Variants in BPTF observed in about 807,000 individuals in gnomAD.
BPTF encodes the protein nucleosome-remodeling factor subunit BPTF.
BPTF carries 18 observed loss-of-function variants against 292.5 expected under a neutral mutation model. The ratio of observed to expected loss-of-function variants is 0.06; its 90% CI spans 0.04 to 0.09. The LOEUF is 0.09. BPTF is among the 10% of genes least tolerant of loss of function. BPTF has a pLI of 1.00. For synonymous variants in BPTF, 1,225 were observed against 1,251.9 expected (o/e 0.98, Z 0.45); for missense variants, 2,726 against 3,498.7 (o/e 0.78, Z 5.57).
chr17:67,956,839 A>G (rs1274278744), intron 23 of BPTF: 11 of 151,848 alleles, frequency 7.2e-5, no homozygotes, highest in Non-Finnish European at 1.2e-4. Context: ...TGGCGGGCGC[A>G]TGTAGCCCCA....
intron 12 of BPTF, among the ~76,000 whole-genome samples, chr17:67,919,204 AATAATAATAATAAT>A (rs1188541390): frequency 5.5e-5 from 8 of 145,810 alleles, no homozygotes; most frequent in African/African-American, 2.1e-4. Context: ...TAATAATAAT[AATAATAATAATAAT>A]AAAATATAAT....
Position 67,959,666 on chromosome 17 carries a change from A to ACCCCCCCCCCCCCCCCC in BPTF, c.8054_8055insCCCCCCCCCCCCCCCCC (p.Ser2686ProfsTer49). On this transcript the variant is annotated frameshift_variant, in exon 24 of 28. Transcript: ENST00000306378. LOFTEE classifies it high-confidence loss of function. Reference sequence around the variant, plus strand: ...CTCCTCCAGCCCCTCCAGCCCCTCCACCTTCACCTCCCCCTCCACCTGCTG... The same window carrying ACCCCCCCCCCCCCCCCC: ...CTCCTCCAGCCCCTCCAGCCCCTCCACCCCCCCCCCCCCCCCCCCTTCACCTCCCCCTCCACCTGCTG... 6.5e-7 allele frequency: 1 copy of ACCCCCCCCCCCCCCCCC among 1,534,458 alleles called. No individual in the cohort carries two copies. The highest frequency in any genetic ancestry group is 8.8e-7 in the Non-Finnish European group (1 of 1,140,846).
intron 23 of BPTF, among the ~76,000 whole-genome samples, chr17:67,949,978 A>G (rs1028477080): frequency 2.9e-5 from 4 of 138,150 alleles, no homozygotes; most frequent in African/African-American, 1.1e-4. Flanking sequence ...TGCTTGAACT[A>G]GGAAGGTGGA....
intron 3 of BPTF, among the ~76,000 whole-genome samples, chr17:67,871,124 G>A (rs941804722): frequency 6.6e-5 from 10 of 152,080 alleles, no homozygotes; most frequent in Admixed American, 5.2e-4. Context: ...ACACACACAC[G>A]TGTCTACTTT....
chr17:67,903,680 G>A, intron 7 of BPTF, 109 bp from the exon 8 acceptor site: 1 of 997,250 alleles, frequency 1.0e-6, no homozygotes, highest in Non-Finnish European at 1.4e-6. Flanking sequence ...TGTCTGGTTT[G>A]TAGGATTATA....
chr17:67,929,843 C>G (rs891889892), intron 17 of BPTF, among the ~76,000 whole-genome samples: 2 of 152,168 alleles, frequency 1.3e-5, no homozygotes, highest in Non-Finnish European at 2.9e-5. Context: ...GGGCCAGGTG[C>G]GGCGGCTCAC....
At chr17:67,872,112 C>T (rs1297127946) in intron 3 of BPTF, among the ~76,000 whole-genome samples, 1 of 152,210 alleles carries the variant, frequency 6.6e-6, no homozygotes, top group East Asian at 1.9e-4. Context: ...AGGCGTGAGC[C>T]ACTGCGCCCA....
chr17:67,929,595 T>C, intron 17 of BPTF, 108 bp downstream of exon 17: 1 of 1,311,358 alleles, frequency 7.6e-7, no homozygotes, highest in East Asian at 2.5e-5. Flanking sequence ...TGCCTATTAC[T>C]GAATCTGTGA....
intron 3 of BPTF, among the ~76,000 whole-genome samples, chr17:67,870,487 A>G (rs2059655958): frequency 6.6e-6 from 1 of 152,114 alleles, no homozygotes; most frequent in African/African-American, 2.4e-5. Flanking sequence ...AGAATTCCCG[A>G]TTAAAACACC....
chr17:67,870,246 T>A (rs2059639318), intron 3 of BPTF, among the ~76,000 whole-genome samples: 1 of 151,732 alleles, frequency 6.6e-6, no homozygotes. Flanking sequence ...ACATAAATAT[T>A]TTTTTCTTTC....
intron 4 of BPTF, among the ~76,000 whole-genome samples, chr17:67,886,627 A>G (rs768617273): frequency 2.0e-5 from 3 of 152,086 alleles, no homozygotes; most frequent in Non-Finnish European, 4.4e-5. Context: ...GGTGTGTAAC[A>G]TTTTAGATCT....
chr17:67,980,882 G>T (rs182044971), intron 27 of BPTF, among the ~76,000 whole-genome samples: 21 of 152,338 alleles, frequency 1.4e-4, no homozygotes, highest in African/African-American at 5.1e-4. Flanking sequence ...ATTAGGCTGT[G>T]TGCAATGGTG....
chr17:67,897,856 T>G (rs919789060), intron 7 of BPTF, among the ~76,000 whole-genome samples: 1 of 152,204 alleles, frequency 6.6e-6, no homozygotes. Context: ...GGAAACTTGA[T>G]AAATAGAAAT....
At chr17:67,860,652 G>T (rs2059019720) in intron 2 of BPTF, among the ~76,000 whole-genome samples, 1 of 152,180 alleles carries the variant, frequency 6.6e-6, no homozygotes, top group African/African-American at 2.4e-5. Context: ...TACTAAAATA[G>T]AAATTACCAG....
intron 9 of BPTF, among the ~76,000 whole-genome samples, chr17:67,906,372 C>T (rs565328134): frequency 6.6e-6 from 1 of 152,338 alleles, no homozygotes; most frequent in East Asian, 1.9e-4. Flanking sequence ...ACCACTGCGC[C>T]TGGCCTATAA....
chr17:67,976,195 G>T (rs2069390612), intron 27 of BPTF: 3 of 287,060 alleles, frequency 1.0e-5, no homozygotes, highest in African/African-American at 6.6e-5. Context: ...AGAAGTGGCC[G>T]GGCATAGTGG....
chr17:67,875,659 C>G, intron 4 of BPTF: 2 of 1,607,988 alleles, frequency 1.2e-6, no homozygotes, highest in Non-Finnish European at 1.7e-6. Context: ...AAGGGAGGAG[C>G]CCTGTGGGGT....
chr17:67,825,574 A>G lies in BPTF; in HGVS notation c.-151A>G, dbSNP rs1038030693. ...CCGGAGTGGGGCCCCAGCAATTCGG[A>G]TTGAGCCTTCTCCCTCCACCCGCTT... On this transcript the variant is annotated 5_prime_UTR_variant, in exon 1 of 28. Coordinates refer to ENST00000306378, the MANE Select transcript of BPTF (RefSeq NM_182641.4). 1 of 427,430 alleles carries G rather than the reference A, an allele frequency of 2.3e-6. No individual in the cohort carries two copies. Among genetic ancestry groups the G allele is most frequent in the South Asian group, 1.7e-5 (1 of 58,926 alleles). The allele number at this position is 427,430 out of a possible 1,614,324, so 26.5% of individuals were successfully genotyped here.
intron 1 of BPTF, among the ~76,000 whole-genome samples, chr17:67,835,907 C>T (rs2057095282): frequency 2.0e-5 from 3 of 151,944 alleles, no homozygotes; most frequent in Admixed American, 6.6e-5. Flanking sequence ...CCTTGTGATC[C>T]GCCCACCTCA....
Sources: allele counts gnomAD v4.1 joint callset (sites outside exome capture counted in the v4.1 genomes callset), GRCh38; gene constraint gnomAD v4.1.1; transcripts MANE v1.5; gene names NCBI Gene and HGNC (gene_info 2026-07-23, HGNC 2026-07-21).